The following MCU variants were observed in gnomAD, a reference collection of about 807,000 sequenced individuals.
MCU encodes calcium uniporter protein, mitochondrial.
A neutral mutation model predicts 45.2 loss-of-function variants in MCU; 12 were observed. That is an observed-to-expected ratio of 0.27 (90% CI 0.17 to 0.43). The LOEUF is 0.43. Ranked by LOEUF, MCU falls within the 20% of genes least tolerant of loss-of-function variation. The pLI is 1.00. For missense variants in MCU, 324 were observed against 436.7 expected (o/e 0.74, Z 2.30); for synonymous variants, 160 against 165.1 (o/e 0.97, Z 0.24).
intron 1 of MCU, among the ~76,000 whole-genome samples, chr10:72,765,160 G>GTGTTTTGT (rs1319653603): frequency 6.6e-6 from 1 of 151,176 alleles, no homozygotes; most frequent in African/African-American, 2.4e-5. Flanking sequence ...TTTGTGTTTT[G>GTGTTTTGT]GCCCTTAACC....
chr10:72,841,429 C>A (rs892529764), intron 2 of MCU, among the ~76,000 whole-genome samples: 8 of 152,104 alleles, frequency 5.3e-5, no homozygotes, highest in African/African-American at 7.2e-5. Context: ...TCCCGAGTAG[C>A]CGGGGTTACA....
chr10:72,848,715 GAT>G (rs1394348452), intron 2 of MCU, among the ~76,000 whole-genome samples: 4 of 126,300 alleles, frequency 3.2e-5, no homozygotes, highest in Non-Finnish European at 7.4e-5. Flanking sequence ...TGTGTATTGA[GAT>G]ATATGTTTGT....
intron 1 of MCU, among the ~76,000 whole-genome samples, chr10:72,738,189 T>G (rs1285717974): frequency 6.6e-6 from 1 of 152,156 alleles, no homozygotes; most frequent in Admixed American, 6.5e-5. Flanking sequence ...GAAGAATTTA[T>G]TTGGGGAAGG....
chr10:72,705,122 C>T (rs959584973), intron 1 of MCU, among the ~76,000 whole-genome samples: 2 of 152,040 alleles, frequency 1.3e-5, no homozygotes, highest in African/African-American at 4.8e-5. Flanking sequence ...TTTGGCCTCC[C>T]AAAGTGCTGG....
chr10:72,766,201 A>G (rs1843724484), intron 1 of MCU, among the ~76,000 whole-genome samples: 1 of 152,200 alleles, frequency 6.6e-6, no homozygotes, highest in Non-Finnish European at 1.5e-5. Flanking sequence ...ATCAATTGGA[A>G]TAAAGTTAAG....
At chr10:72,710,949 A>G (rs1210970290) in intron 1 of MCU, among the ~76,000 whole-genome samples, 2 of 152,056 alleles carry the variant, frequency 1.3e-5, no homozygotes, top group Non-Finnish European at 2.9e-5. Context: ...AGGCCAAGGC[A>G]GGTAGATCAC....
intron 1 of MCU, among the ~76,000 whole-genome samples, chr10:72,792,941 C>T (rs1844186411): frequency 1.3e-5 from 2 of 151,672 alleles, no homozygotes; most frequent in Non-Finnish European, 2.9e-5. Flanking sequence ...TGCAGTGGCA[C>T]GATCTTGGCT....
At chr10:72,805,139 C>A (rs1320884251) in intron 1 of MCU, among the ~76,000 whole-genome samples, 1 of 139,348 alleles carries the variant, frequency 7.2e-6, no homozygotes, top group Non-Finnish European at 1.5e-5. Flanking sequence ...TTCTTTCTTT[C>A]TTTCTTTCTT....
chr10:72,777,017 G>A (rs1398821874), intron 1 of MCU, among the ~76,000 whole-genome samples: 1 of 151,948 alleles, frequency 6.6e-6, no homozygotes, highest in African/African-American at 2.4e-5. Context: ...AAAAGATCAA[G>A]GAAAACTATA....
chr10:72,843,978 G>A (rs762496028), intron 2 of MCU, among the ~76,000 whole-genome samples: 11 of 152,168 alleles, frequency 7.2e-5, no homozygotes, highest in Non-Finnish European at 1.3e-4. Flanking sequence ...TCTGTCAGGT[G>A]CAGCAGCTCA....
At position 72,880,464 on chromosome 10, in the gene MCU, C is replaced by T. The variant is rs72812244; in HGVS notation, c.862-3802C>T. ...TACTTTTAAAAATACATAGACCACA[C>T]GTAGAAGGCAAAGCGGGGGGGGGGA... On this transcript the variant is annotated intron_variant, in intron 6 of 7. Transcript: ENST00000373053. 7.7e-4 allele frequency among the ~76,000 whole-genome samples: 108 copies of T among 139,406 alleles called. No homozygotes were observed. In the East Asian group the frequency reaches 0.018, roughly 23 times the overall value. The allele number at this position is 139,406 out of a possible 152,430, so 91.5% of individuals were successfully genotyped here. A position where few individuals can be genotyped will look rare whatever the true frequency, so the allele number is the denominator to read the frequency against.
intron 1 of MCU, among the ~76,000 whole-genome samples, chr10:72,810,787 G>A (rs370835588): frequency 6.6e-6 from 1 of 152,004 alleles, no homozygotes; most frequent in African/African-American, 2.4e-5. Context: ...GAGCCACTGC[G>A]CCTGGTCTGT....
chr10:72,699,455 C>T (rs572228102), intron 1 of MCU, among the ~76,000 whole-genome samples: 2 of 151,844 alleles, frequency 1.3e-5, no homozygotes, highest in South Asian at 2.1e-4. Context: ...TGCAGTGAGC[C>T]GAGATCATGC....
intron 1 of MCU, among the ~76,000 whole-genome samples, chr10:72,737,544 G>T (rs1564542736): frequency 6.7e-6 from 1 of 150,340 alleles, no homozygotes; most frequent in African/African-American, 2.4e-5. Context: ...TTCAGAGATG[G>T]TATCTTGCTC....
At chr10:72,875,195 C>T (rs890407085) in intron 6 of MCU, among the ~76,000 whole-genome samples, 3 of 152,072 alleles carry the variant, frequency 2.0e-5, no homozygotes, top group Non-Finnish European at 4.4e-5. Context: ...AATTATGCTG[C>T]CTTCTGTTGA....
intron 1 of MCU, among the ~76,000 whole-genome samples, chr10:72,782,347 A>G (rs1455949566): frequency 2.0e-5 from 3 of 152,084 alleles, no homozygotes; most frequent in Admixed American, 1.3e-4. Context: ...TAACTCGTAC[A>G]TAATCCTTAA....
chr10:72,715,419 A>G (rs796478294), intron 1 of MCU, among the ~76,000 whole-genome samples: 3 of 152,182 alleles, frequency 2.0e-5, no homozygotes, highest in South Asian at 4.1e-4. Context: ...GCACAATAGA[A>G]TATTTTTACT....
At chr10:72,810,515 T>C (rs1001011583) in intron 1 of MCU, among the ~76,000 whole-genome samples, 2 of 140,830 alleles carry the variant, frequency 1.4e-5, no homozygotes, top group Non-Finnish European at 1.5e-5. Flanking sequence ...TTGCCCAGGC[T>C]GGAGTTCAGT....
At chr10:72,786,034 G>GA (rs1844066840) in intron 1 of MCU, among the ~76,000 whole-genome samples, 2 of 152,228 alleles carry the variant, frequency 1.3e-5, no homozygotes, top group Admixed American at 1.3e-4. Flanking sequence ...AGCACTGTGT[G>GA]AAAAAACGGT....
Sources: allele counts gnomAD v4.1 joint callset (sites outside exome capture counted in the v4.1 genomes callset), GRCh38; gene constraint gnomAD v4.1.1; transcripts MANE v1.5; gene names NCBI Gene and HGNC (gene_info 2026-07-23, HGNC 2026-07-21).